Variants in SYT14 observed in about 807,000 individuals in gnomAD.
SYT14 encodes the protein synaptotagmin 14.
A neutral mutation model predicts 74.2 loss-of-function variants in SYT14; 32 were observed. The observed-to-expected ratio is 0.43, with a 90% CI of 0.33 to 0.58. SYT14 has a LOEUF of 0.58. Ranked by LOEUF, SYT14 falls within the 20% of genes least tolerant of loss-of-function variation. SYT14 has a pLI of 0.05. For missense variants in SYT14, 791 were observed against 981.8 expected, an observed-to-expected ratio of 0.81 and a Z score of 2.60; for synonymous variants, 298 against 337.7, an observed-to-expected ratio of 0.88 and a Z score of 1.29.
intron 2 of SYT14, among the ~76,000 whole-genome samples, chr1:209,980,804 A>G (rs980041053): frequency 6.6e-6 from 1 of 152,022 alleles, no homozygotes; most frequent in African/African-American, 2.4e-5. Flanking sequence ...CCATTGGTCT[A>G]TGTGTCTGTT....
At chr1:210,022,750 A>T (rs2080329289) in intron 5 of SYT14, among the ~76,000 whole-genome samples, 1 of 152,248 alleles carries the variant, frequency 6.6e-6, no homozygotes, top group African/African-American at 2.4e-5. Flanking sequence ...CAGTAAATGT[A>T]GCCAATTATA....
intron 7 of SYT14, among the ~76,000 whole-genome samples, chr1:210,135,715 T>C (rs2082772180): frequency 6.6e-6 from 1 of 152,200 alleles, no homozygotes; most frequent in Non-Finnish European, 1.5e-5. Flanking sequence ...TCTCTTACTT[T>C]TGAGCTTTGT....
intron 7 of SYT14, among the ~76,000 whole-genome samples, chr1:210,151,446 C>T (rs1185215091): frequency 4.6e-5 from 7 of 150,702 alleles, no homozygotes; most frequent in Non-Finnish European, 1.0e-4. Context: ...TCTAGAACTC[C>T]TGGGGTCAAG....
intron 7 of SYT14, among the ~76,000 whole-genome samples, chr1:210,108,409 T>C (rs1445875676): frequency 1.3e-5 from 2 of 152,206 alleles, no homozygotes; most frequent in Non-Finnish European, 2.9e-5. Context: ...ATTTAGGATA[T>C]GGAAGTCATA....
chr1:210,058,290 A>T (rs2081137144), intron 5 of SYT14, among the ~76,000 whole-genome samples: 1 of 152,184 alleles, frequency 6.6e-6, no homozygotes, highest in Non-Finnish European at 1.5e-5. Flanking sequence ...ACACCATATC[A>T]AATAAGCAGG....
chr1:209,953,205 C>T, intron 2 of SYT14: 4 of 1,287,480 alleles, frequency 3.1e-6, no homozygotes, highest in Non-Finnish European at 3.0e-6. Flanking sequence ...GTCTATGCTT[C>T]CTTAGAAGGA....
At chr1:210,116,716 G>A (rs2082368758) in intron 7 of SYT14, among the ~76,000 whole-genome samples, 1 of 151,946 alleles carries the variant, frequency 6.6e-6, no homozygotes, top group Non-Finnish European at 1.5e-5. Flanking sequence ...TTATTTATAT[G>A]GTATTTTTCA....
chr1:210,019,287 C>T (rs1210547482), intron 4 of SYT14, among the ~76,000 whole-genome samples: 1 of 152,142 alleles, frequency 6.6e-6, no homozygotes, highest in Non-Finnish European at 1.5e-5. Context: ...AAGATCCCCA[C>T]CATGGTATCC....
chr1:210,108,495 T>G (rs1458619964), intron 7 of SYT14, among the ~76,000 whole-genome samples: 3 of 152,024 alleles, frequency 2.0e-5, no homozygotes, highest in Admixed American at 2.0e-4. Flanking sequence ...ATTTAGACAG[T>G]TTTTTCACCA....
chr1:209,944,107 A>C (rs2078782988), intron 1 of SYT14, among the ~76,000 whole-genome samples: 1 of 152,230 alleles, frequency 6.6e-6, no homozygotes, highest in South Asian at 2.1e-4. Flanking sequence ...AGAAGTTTTA[A>C]TGAATATTAA....
At chr1:210,088,598 A>G (rs994825626) in intron 5 of SYT14, among the ~76,000 whole-genome samples, 6 of 152,084 alleles carry the variant, frequency 3.9e-5, no homozygotes, top group Non-Finnish European at 5.9e-5. Context: ...ATGCCCATCA[A>G]TGTTAGACTG....
chr1:209,971,996 C>T (rs2079264443), intron 2 of SYT14, among the ~76,000 whole-genome samples: 1 of 152,054 alleles, frequency 6.6e-6, no homozygotes, highest in Admixed American at 6.6e-5. Context: ...TAGAATTTGG[C>T]TGTGAATCCA....
In SYT14 at chr1:210,034,549, T is replaced by A. The variant is rs1298412550; in HGVS notation, c.1312+13295T>A. 2.0e-5 allele frequency among the ~76,000 whole-genome samples: 3 copies of A among 151,258 alleles called. No individual in the cohort carries two copies. The East Asian group carries it at 5.8e-4, about 29-fold the overall frequency. Reference sequence around the variant, plus strand: ...TAGTGTAACCATTACCCAAATAGAGTACATTGTACTCATTAGGCAATTCTC... The same window carrying A: ...TAGTGTAACCATTACCCAAATAGAGAACATTGTACTCATTAGGCAATTCTC... On this transcript the variant is annotated intron_variant, in intron 5 of 9. Coordinates refer to ENST00000637265, the Ensembl canonical transcript of SYT14.
intron 5 of SYT14, among the ~76,000 whole-genome samples, chr1:210,082,073 C>G (rs1348421188): frequency 6.6e-6 from 1 of 152,174 alleles, no homozygotes; most frequent in Non-Finnish European, 1.5e-5. Flanking sequence ...AGGAGCAAAG[C>G]AAAGCAGTTG....
chr1:210,046,293 G>C (rs2080883120), intron 5 of SYT14, among the ~76,000 whole-genome samples: 1 of 152,188 alleles, frequency 6.6e-6, no homozygotes, highest in South Asian at 2.1e-4. Flanking sequence ...AGAATCGCTT[G>C]AACCCAGGAT....
intron 5 of SYT14, among the ~76,000 whole-genome samples, chr1:210,081,406 C>T (rs1324701191): frequency 6.6e-6 from 1 of 152,122 alleles, no homozygotes; most frequent in Non-Finnish European, 1.5e-5. Flanking sequence ...GTAAATTTTG[C>T]AATAAAGCAA....
At chr1:209,997,242 C>T (rs1183267143) in intron 2 of SYT14, among the ~76,000 whole-genome samples, 1 of 152,044 alleles carries the variant, frequency 6.6e-6, no homozygotes. Flanking sequence ...CACCAAAAGG[C>T]TGCAAGAACT....
intron 5 of SYT14, among the ~76,000 whole-genome samples, chr1:210,080,527 G>T (rs936093034): frequency 1.3e-5 from 2 of 152,096 alleles, no homozygotes; most frequent in Non-Finnish European, 2.9e-5. Context: ...GAACCCAGAG[G>T]TTTCACTGCC....
chr1:210,161,190 C>T (rs1297594750), exon 10 of SYT14: 5 of 853,032 alleles, frequency 5.9e-6, no homozygotes, highest in Middle Eastern at 4.3e-4. Context: ...ATGGAAAGAA[C>T]GTCTCATACT....
Sources: gnomAD v4.1 joint callset for allele counts (sites outside exome capture counted in the v4.1 genomes callset) on GRCh38, gnomAD v4.1.1 for gene constraint, MANE v1.5 for transcripts, NCBI Gene and HGNC (gene_info 2026-07-23, HGNC 2026-07-21) for gene names.